The following NRP1 variants were observed in gnomAD, a reference collection of about 807,000 sequenced individuals.
NRP1 encodes the protein neuropilin-1.
A neutral mutation model predicts 106.7 loss-of-function variants in NRP1; 35 were observed. That is an observed-to-expected ratio of 0.33 (90% CI 0.25 to 0.43). The LOEUF (loss-of-function observed/expected upper bound fraction) is 0.43. NRP1 is among the 20% of genes least tolerant of loss of function. The pLI, the probability that NRP1 is intolerant of heterozygous loss-of-function variation, is 1.00. For missense variants in NRP1, 1,024 were observed against 1,170.4 expected, an observed-to-expected ratio of 0.87 and a Z score of 1.83; for synonymous variants, 437 against 417.9, an observed-to-expected ratio of 1.05 and a Z score of -0.56.
chr10:33,185,161 C>T (rs1835918625), intron 15 of NRP1, among the ~76,000 whole-genome samples: 1 of 152,214 alleles, frequency 6.6e-6, no homozygotes, highest in Non-Finnish European at 1.5e-5. Context: ...GAAACATCTA[C>T]TTGTGATAAA....
At chr10:33,256,668 AG>A (rs1207650358) in intron 4 of NRP1, among the ~76,000 whole-genome samples, 197 bp from the exon 5 acceptor site, 1 of 152,238 alleles carries the variant, frequency 6.6e-6, no homozygotes, top group Non-Finnish European at 1.5e-5. Context: ...TGTACTCAGA[AG>A]GGCAGTAACA....
chr10:33,316,678 A>G (rs1358863205), intron 2 of NRP1, among the ~76,000 whole-genome samples: 1 of 152,208 alleles, frequency 6.6e-6, no homozygotes, highest in Admixed American at 6.5e-5. Flanking sequence ...GAAAACCAAG[A>G]TGGCACAGCA....
intron 13 of NRP1, among the ~76,000 whole-genome samples, chr10:33,190,243 T>C (rs982873493): frequency 5.9e-5 from 9 of 152,244 alleles, no homozygotes; most frequent in Non-Finnish European, 1.2e-4. Flanking sequence ...TTTAACCTCC[T>C]TTGAATGTCA....
intron 11 of NRP1, among the ~76,000 whole-genome samples, chr10:33,199,365 T>C (rs922462221): frequency 1.6e-5 from 1 of 64,268 alleles, no homozygotes; most frequent in Non-Finnish European, 3.1e-5. Context: ...CCTGGCTGTT[T>C]TCTATATATA....
At chr10:33,266,994 T>C (rs1341715794) in intron 3 of NRP1, among the ~76,000 whole-genome samples, 1 of 152,126 alleles carries the variant, frequency 6.6e-6, no homozygotes, top group Non-Finnish European at 1.5e-5. Flanking sequence ...ATCGTGCCAC[T>C]GCACTCCAGC....
chr10:33,263,502 T>C (rs1842712362), intron 4 of NRP1, 144 bp downstream of exon 4: 2 of 608,928 alleles, frequency 3.3e-6, no homozygotes, highest in South Asian at 4.1e-5. Flanking sequence ...TCATCACTGC[T>C]CTGAATATAG....
Position 33,203,810 on chromosome 10 carries a change from G to GGCTCACTGCAAGCTCT in NRP1, c.1760-831_1760-816dup, listed in dbSNP as rs921019516. 2.6e-5 allele frequency among the ~76,000 whole-genome samples: 2 copies of GGCTCACTGCAAGCTCT among 76,960 alleles called. 1 individual carries two copies. Among genetic ancestry groups the GGCTCACTGCAAGCTCT allele is most frequent in the Non-Finnish European group, 5.5e-5 (2 of 36,392 alleles). 50.5% of individuals were successfully genotyped at this position (76,960 alleles called of 152,430 possible). ...CTGCGGACTGCAGTGGCGCAATCTC[G>GGCTCACTGCAAGCTCT]GCTCACTGCAAGCTCTGCTTCCCGG... is the stretch of plus-strand genomic sequence containing the variant. On this transcript the variant is annotated intron_variant, in intron 10 of 16. Coordinates refer to ENST00000374867, the MANE Select transcript of NRP1 (RefSeq NM_003873.7).
chr10:33,204,349 A>G (rs1257716361), intron 10 of NRP1, among the ~76,000 whole-genome samples: 1 of 152,198 alleles, frequency 6.6e-6, no homozygotes, highest in Non-Finnish European at 1.5e-5. Context: ...ATAACTAAGA[A>G]GTCACCAAGT....
rs114986337 is a variant in NRP1 at position 33,300,490 on chromosome 10, C to G, written c.249-29634G>C. Among the ~76,000 whole-genome samples, 1,045 of 152,284 alleles carry G rather than the reference C, an allele frequency of 6.9e-3. 13 individuals are homozygous for G. The highest frequency in any genetic ancestry group is 0.024 in the African/African-American group (992 of 41,554). On this transcript the variant is annotated intron_variant, in intron 2 of 16. Coordinates refer to ENST00000374867, the MANE Select transcript of NRP1 (RefSeq NM_003873.7). The stretch of plus-strand genomic sequence containing the variant: ...CCTGGACAGAATCAGGCAGGATTAT[C>G]TGACAGGAGGATGCTGCAGTGGTTC...
At chr10:33,185,919 T>C (rs1389519128) in intron 14 of NRP1, among the ~76,000 whole-genome samples, 195 bp from the exon 15 acceptor site, 5 of 152,190 alleles carry the variant, frequency 3.3e-5, no homozygotes, top group African/African-American at 9.6e-5. Context: ...CTTCTTATAA[T>C]ACAAACTTTA....
chr10:33,211,848 G>A (rs1838325390), intron 9 of NRP1: 1 of 152,268 alleles, frequency 6.6e-6, no homozygotes. Context: ...CCTGGCCAAA[G>A]CAGGGATGGA....
chr10:33,280,799 T>A (rs914885248), intron 2 of NRP1, among the ~76,000 whole-genome samples: 7 of 151,956 alleles, frequency 4.6e-5, no homozygotes, highest in African/African-American at 1.7e-4. Flanking sequence ...CTGAGCAATG[T>A]GGTGAAAGCC....
At chr10:33,189,523 TCTTC>T (rs1164574721) in intron 13 of NRP1, among the ~76,000 whole-genome samples, 1 of 152,216 alleles carries the variant, frequency 6.6e-6, no homozygotes. Context: ...CGTAGGGACC[TCTTC>T]CTTTACACGT....
intron 2 of NRP1, among the ~76,000 whole-genome samples, chr10:33,327,128 A>G (rs1847947624): frequency 6.6e-6 from 1 of 151,028 alleles, no homozygotes. Flanking sequence ...TTGACTATAC[A>G]AATACTGACC....
intron 2 of NRP1, among the ~76,000 whole-genome samples, chr10:33,329,102 T>C (rs1425081349): frequency 6.6e-6 from 1 of 152,172 alleles, no homozygotes; most frequent in Non-Finnish European, 1.5e-5. Flanking sequence ...GTCTAGGTGA[T>C]TGACACTGTA....
intron 2 of NRP1, among the ~76,000 whole-genome samples, chr10:33,319,706 C>T (rs913765821): frequency 6.6e-6 from 1 of 151,408 alleles, no homozygotes; most frequent in African/African-American, 2.4e-5. Flanking sequence ...CCTGGCTCAG[C>T]CTCCCAAGTA....
At chr10:33,310,142 G>T (rs1427675406) in intron 2 of NRP1, among the ~76,000 whole-genome samples, 1 of 151,188 alleles carries the variant, frequency 6.6e-6, no homozygotes, top group East Asian at 2.0e-4. Context: ...GTAGAGACGG[G>T]GTTTCACCGT....
chr10:33,235,158 T>C (rs1463876548), intron 6 of NRP1, among the ~76,000 whole-genome samples: 5 of 152,260 alleles, frequency 3.3e-5, no homozygotes, highest in Admixed American at 3.3e-4. Context: ...AATTCTGACA[T>C]GTTCTTTGAA....
At chr10:33,223,460 T>TAA (rs34865522) in intron 7 of NRP1, among the ~76,000 whole-genome samples, 28 of 142,624 alleles carry the variant, frequency 2.0e-4, no homozygotes, top group East Asian at 4.1e-4. Context: ...ATCTCTCCAT[T>TAA]AAAAAAAAAA....
Sources: allele counts gnomAD v4.1 joint callset (sites outside exome capture counted in the v4.1 genomes callset), GRCh38; gene constraint gnomAD v4.1.1; transcripts MANE v1.5; gene names NCBI Gene and HGNC (gene_info 2026-07-23, HGNC 2026-07-21).